AKT3: variants seen among roughly 807,000 people sequenced by gnomAD.
AKT3 encodes the protein AKT serine/threonine kinase 3.
AKT3 carries 15 observed loss-of-function variants against 65.3 expected under a neutral mutation model. The ratio of observed to expected loss-of-function variants is 0.23; its 90% CI spans 0.15 to 0.35. The LOEUF (loss-of-function observed/expected upper bound fraction) is 0.35, where lower values mean the gene tolerates loss of function less well. Among genes scored for constraint, AKT3 ranks in the 10% least tolerant of loss-of-function variants. The pLI, the probability that AKT3 is intolerant of heterozygous loss-of-function variation, is 1.00. For synonymous variants in AKT3, 206 were observed against 183.8 expected (o/e 1.12, Z -0.98); for missense variants, 243 against 576.5 (o/e 0.42, Z 5.92).
Position 243,642,545 on chromosome 1 carries a change from G to A in AKT3, c.429+3348C>T, listed in dbSNP as rs58320632. Reference sequence around the variant, plus strand: ...AGGATGGTCTCGATCTCCTGACCTTGTGATCCGCCCACCTTGGCCTCCCAA... The same window carrying A: ...AGGATGGTCTCGATCTCCTGACCTTATGATCCGCCCACCTTGGCCTCCCAA... On this transcript the variant is annotated intron_variant, in intron 5 of 13. Coordinates refer to ENST00000673466, the MANE Select transcript of AKT3 (RefSeq NM_005465.7). Among the ~76,000 whole-genome samples, 729 of 152,280 alleles carry A rather than the reference G, an allele frequency of 4.8e-3. 6 individuals carry two copies. Among genetic ancestry groups the A allele is most frequent in the African/African-American group, 8.6e-3 (359 of 41,556 alleles).
At position 243,718,823 on chromosome 1, in the gene AKT3, TTTC is replaced by T. The variant is rs369957942; in HGVS notation, c.47-23110_47-23108del. Reference sequence around the variant, plus strand: ...GCTAGCAAAATGAATTGATGAATTTTTTCTTTTTAAATATTCTATCCAATATTT... The same window carrying T: ...GCTAGCAAAATGAATTGATGAATTTTTTTTTAAATATTCTATCCAATATTT... On this transcript the variant is annotated intron_variant, in intron 2 of 13. Coordinates refer to ENST00000673466, the MANE Select transcript of AKT3 (RefSeq NM_005465.7). 9.2e-5 allele frequency among the ~76,000 whole-genome samples: 14 copies of T among 152,308 alleles called. No individual in the cohort carries two copies. In the East Asian group the frequency reaches 2.7e-3, roughly 29 times the overall value.
intron 2 of AKT3, among the ~76,000 whole-genome samples, chr1:243,772,686 G>T (rs903863755): frequency 2.0e-5 from 3 of 152,044 alleles, no homozygotes; most frequent in African/African-American, 7.3e-5. Flanking sequence ...CCCATTACTG[G>T]GTATATCCCC....
chr1:243,838,142 A>G (rs1362983511), intron 2 of AKT3, among the ~76,000 whole-genome samples: 2 of 152,212 alleles, frequency 1.3e-5, no homozygotes, highest in Non-Finnish European at 2.9e-5. Context: ...AGCTTATTTG[A>G]TGGTTTGCTC....
At chr1:243,845,253 T>C (rs897453251) in intron 1 of AKT3, among the ~76,000 whole-genome samples, 3 of 151,248 alleles carry the variant, frequency 2.0e-5, no homozygotes, top group Non-Finnish European at 1.5e-5. Context: ...TCATGTATTA[T>C]GAGGTCACAG....
intron 4 of AKT3, among the ~76,000 whole-genome samples, chr1:243,647,192 T>C (rs1412767282): frequency 2.0e-5 from 3 of 152,246 alleles, no homozygotes; most frequent in Admixed American, 2.0e-4. Context: ...CATACAATCA[T>C]GCACCACATA....
intron 5 of AKT3, among the ~76,000 whole-genome samples, 168 bp from the exon 6 acceptor site, chr1:243,637,910 T>C (rs1035575068): frequency 2.0e-5 from 3 of 152,258 alleles, no homozygotes; most frequent in South Asian, 2.1e-4. Context: ...TTAGCAACCA[T>C]GGATGCTGAA....
chr1:243,529,794 GATTTA>G (rs1476532479), intron 12 of AKT3, among the ~76,000 whole-genome samples: 131 of 151,984 alleles, frequency 8.6e-4, no homozygotes, highest in Middle Eastern at 3.2e-3. Flanking sequence ...GGTCCACATG[GATTTA>G]AAAATAGTTT....
intron 13 of AKT3, among the ~76,000 whole-genome samples, chr1:243,510,175 C>T (rs970267050): frequency 1.3e-5 from 2 of 152,142 alleles, no homozygotes; most frequent in Non-Finnish European, 2.9e-5. Context: ...CCTTCCTATC[C>T]CAATATCTGC....
chr1:243,616,307 T>TAAAA (rs57576796), intron 6 of AKT3, among the ~76,000 whole-genome samples: 7,951 of 66,672 alleles, frequency 0.12, 961 homozygotes, highest in South Asian at 0.26. Flanking sequence ...GTGCTTTTCT[T>TAAAA]AAAAAAAAAA....
chr1:243,778,319 C>T (rs1300108710), intron 2 of AKT3, among the ~76,000 whole-genome samples: 1 of 152,132 alleles, frequency 6.6e-6, no homozygotes, highest in African/African-American at 2.4e-5. Flanking sequence ...CAATAATAGA[C>T]AATTATACAG....
In AKT3 at chr1:243,699,465, CTATATATATATATATATATATATA is replaced by C. The variant is rs58911364; in HGVS notation, c.47-3773_47-3750del. ...AAGACTTCCAACCCAACCTCTTCCA[CTATATATATATATATATATATATA>C]TATATATATATATATATATATATAA... On this transcript the variant is annotated intron_variant, in intron 2 of 13. Coordinates refer to ENST00000673466, the MANE Select transcript of AKT3 (RefSeq NM_005465.7). 1.5e-3 allele frequency among the ~76,000 whole-genome samples: 154 copies of C among 103,498 alleles called. 1 individual carries two copies. The highest frequency in any genetic ancestry group is 1.7e-3 in the Non-Finnish European group (94 of 55,778). 67.9% of individuals were successfully genotyped at this position (103,498 alleles called of 152,430 possible). A position where few individuals can be genotyped will look rare whatever the true frequency, so the allele number is the denominator to read the frequency against.
chr1:243,662,669 C>T (rs1321714232), intron 4 of AKT3, among the ~76,000 whole-genome samples: 2 of 151,184 alleles, frequency 1.3e-5, no homozygotes, highest in African/African-American at 2.4e-5. Flanking sequence ...AACTAACCTG[C>T]ACATTGTGCA....
chr1:243,799,014 G>A (rs1276960283), intron 2 of AKT3, among the ~76,000 whole-genome samples: 1 of 152,182 alleles, frequency 6.6e-6, no homozygotes, highest in East Asian at 1.9e-4. Context: ...GGCTTCAACA[G>A]TTATTGCACT....
intron 2 of AKT3, among the ~76,000 whole-genome samples, chr1:243,774,537 CCTT>C (rs1310407322): frequency 1.3e-4 from 20 of 152,074 alleles, no homozygotes; most frequent in Admixed American, 7.9e-4. Context: ...AGCATACCTG[CCTT>C]CTTATCACAA....
intron 5 of AKT3, among the ~76,000 whole-genome samples, chr1:243,642,932 A>C (rs1680551263): frequency 1.3e-5 from 2 of 152,200 alleles, no homozygotes; most frequent in Non-Finnish European, 2.9e-5. Flanking sequence ...AAAAAGATAA[A>C]TTCCAGATAC....
chr1:243,686,502 C>A (rs1164388207), intron 3 of AKT3, among the ~76,000 whole-genome samples: 1 of 150,976 alleles, frequency 6.6e-6, no homozygotes. Context: ...AAAGTGGTTT[C>A]CTCCTCACTC....
At position 243,613,738 on chromosome 1, in the gene AKT3, G is replaced by A. The variant is rs2148604410; in HGVS notation, c.629C>T (p.Ser210Phe). 1 of 1,569,288 alleles carries A rather than the reference G, an allele frequency of 6.4e-7. No homozygotes were observed. The highest frequency in any genetic ancestry group is 2.3e-5 in the East Asian group (1 of 43,638). Residue 210 changes from serine (S) to phenylalanine (F), a missense_variant and splice_region_variant, in exon 8 of 14, where the codon TCC (serine) becomes TTC (phenylalanine). Physicochemically the swap from Ser to Phe is radical, Grantham distance 155. Around this residue, in one of 6 missense-constraint regions of AKT3, gnomAD observed 61 missense variants for 163.3 expected, o/e 0.37. Coordinates refer to ENST00000673466, the MANE Select transcript of AKT3 (RefSeq NM_005465.7). ...LKNTRHPFLT[S>F]LKYSFQTKDR... is the part of the protein sequence containing the mutation. Reference sequence around the variant, plus strand: ...TTTTGTCTGGAAGGAATATTTCAAGGACTTGAAATAAAAAAAAGAAAAAAT... The same window carrying A: ...TTTTGTCTGGAAGGAATATTTCAAGAACTTGAAATAAAAAAAAGAAAAAAT...
chr1:243,835,168 A>G (rs1233506758), intron 2 of AKT3, among the ~76,000 whole-genome samples: 1 of 152,232 alleles, frequency 6.6e-6, no homozygotes, highest in Non-Finnish European at 1.5e-5. Context: ...CGTCCATTAT[A>G]GAACATTCAG....
chr1:243,824,584 T>C (rs1039328101), intron 2 of AKT3, among the ~76,000 whole-genome samples: 2 of 151,540 alleles, frequency 1.3e-5, no homozygotes, highest in Admixed American at 1.3e-4. Context: ...CATTCGAAAG[T>C]GGGCAAAGAA....
Sources: allele counts gnomAD v4.1 joint callset (sites outside exome capture counted in the v4.1 genomes callset), GRCh38; gene constraint gnomAD v4.1.1; regional missense constraint gnomAD v4.1.1; transcripts MANE v1.5; gene names NCBI Gene and HGNC (gene_info 2026-07-23, HGNC 2026-07-21).